Variants in EPAS1 observed in about 807,000 individuals in gnomAD.
EPAS1 encodes endothelial PAS domain protein 1.
A neutral mutation model predicts 87.9 loss-of-function variants in EPAS1; 23 were observed. That is an observed-to-expected ratio of 0.26 (90% CI 0.19 to 0.37). EPAS1 has a LOEUF of 0.37. Ranked by LOEUF, EPAS1 falls within the 10% of genes least tolerant of loss-of-function variation. The pLI is 1.00. For synonymous variants in EPAS1, 508 were observed against 444.3 expected (o/e 1.14, Z -1.80); for missense variants, 1,138 against 1,120.7 (o/e 1.02, Z -0.22).
chr2:46,356,129 T>TGGGGGGGGGGGGGG, intron 2 of EPAS1, 22 bp from the exon 3 acceptor site: 1 of 1,242,734 alleles, frequency 8.0e-7, no homozygotes, highest in Non-Finnish European at 1.1e-6. Flanking sequence ...ATGCAAGCTG[T>TGGGGGGGGGGGGGG]CCCACCCCCC....
chr2:46,336,423 G>T (rs1204535230), intron 1 of EPAS1, among the ~76,000 whole-genome samples: 5 of 152,122 alleles, frequency 3.3e-5, no homozygotes. Context: ...TGTTGCTAAG[G>T]GGCCAGGGAC....
rs1488864872 is a variant in EPAS1 at position 46,347,302 on chromosome 2, G to C, written c.217+239G>C. The C allele has an allele frequency of 1.0e-5, 6 of 579,554 alleles. No individual in the cohort carries two copies. The Admixed American group carries it at 1.2e-4, about 11-fold the overall frequency. 35.9% of individuals were successfully genotyped at this position (579,554 alleles called of 1,614,324 possible). Reference sequence around the variant, plus strand: ...AGGGACAGGACCAGGGAAGAACATGGGCACCCAGAGGCTGTGGAGAACACG... The same window carrying C: ...AGGGACAGGACCAGGGAAGAACATGCGCACCCAGAGGCTGTGGAGAACACG... On this transcript the variant is annotated intron_variant, in intron 2 of 15. Coordinates refer to ENST00000263734, the MANE Select transcript of EPAS1 (RefSeq NM_001430.5). This position sits in a 1 kb window ranked among gnomAD's most constrained non-coding sequence, Gnocchi z 4.2.
intron 4 of EPAS1, among the ~76,000 whole-genome samples, chr2:46,357,513 C>T (rs558162738): frequency 6.6e-6 from 1 of 152,340 alleles, no homozygotes; most frequent in Non-Finnish European, 1.5e-5. Context: ...AAAGTGGAAG[C>T]TGCCAGGCCT....
chr2:46,351,981 C>T (rs1165030525), intron 2 of EPAS1, among the ~76,000 whole-genome samples: 6 of 152,128 alleles, frequency 3.9e-5, no homozygotes, highest in Non-Finnish European at 7.3e-5. Context: ...AACCTCAGCC[C>T]GCGCATATCC....
chr2:46,371,700 C>G lies in EPAS1; in HGVS notation c.886+1767C>G, dbSNP rs1328910795. On this transcript the variant is annotated intron_variant, in intron 7 of 15. Transcript: ENST00000263734. The surrounding 1 kb of genome is among the most constrained non-coding windows in gnomAD (Gnocchi z 4.3). ...TTTCAAAGGCAGGTGACAGAATCAT[C>G]CAGGCACTGGGACTTAGCGGCCCAG... Among the ~76,000 whole-genome samples, 2 of 152,212 alleles carry G rather than the reference C, an allele frequency of 1.3e-5. No homozygotes were observed. Among genetic ancestry groups the G allele is most frequent in the Non-Finnish European group, 2.9e-5 (2 of 68,038 alleles).
At chr2:46,370,779 T>C (rs944628966) in intron 7 of EPAS1, among the ~76,000 whole-genome samples, 3 of 152,234 alleles carry the variant, frequency 2.0e-5, no homozygotes, top group Admixed American at 6.5e-5. Flanking sequence ...TCCTTGGCCA[T>C]GTTCCCAATT....
At chr2:46,328,442 G>A (rs1328222488) in intron 1 of EPAS1, among the ~76,000 whole-genome samples, 1 of 152,196 alleles carries the variant, frequency 6.6e-6, no homozygotes, top group Non-Finnish European at 1.5e-5. Flanking sequence ...GACAGATGAA[G>A]TGCAAGCTTG....
chr2:46,322,250 TG>T (rs1683469706), intron 1 of EPAS1, among the ~76,000 whole-genome samples: 1 of 152,044 alleles, frequency 6.6e-6, no homozygotes, highest in African/African-American at 2.4e-5. Flanking sequence ...TAGGTTCTTA[TG>T]CTGGCAGCTC....
chr2:46,356,139 C>CT lies in EPAS1; in HGVS notation c.218-12_218-11insT, dbSNP rs61586942. On this transcript the variant is annotated splice_polypyrimidine_tract_variant and intron_variant, in intron 2 of 15. Coordinates refer to ENST00000263734, the MANE Select transcript of EPAS1 (RefSeq NM_001430.5). ...CATTCATGCAAGCTGTCCCACCCCC[C>CT]CCCCTTTCCAGTTTGCTCTGAAAAC... 1.7e-5 allele frequency: 23 copies of CT among 1,354,438 alleles called. No individual in the cohort carries two copies. In the African/African-American group the frequency reaches 2.7e-4, roughly 16 times the overall value. 83.9% of individuals were successfully genotyped at this position (1,354,438 alleles called of 1,614,324 possible). A position where few individuals can be genotyped will look rare whatever the true frequency, so the allele number is the denominator to read the frequency against.
chr2:46,342,896 T>G (rs1325438371), intron 1 of EPAS1, among the ~76,000 whole-genome samples: 1 of 152,214 alleles, frequency 6.6e-6, no homozygotes, highest in Non-Finnish European at 1.5e-5. Context: ...CTTAAGTGGT[T>G]GTTAACTTTA....
chr2:46,350,142 G>T (rs1684119439), intron 2 of EPAS1, among the ~76,000 whole-genome samples: 1 of 152,178 alleles, frequency 6.6e-6, no homozygotes, highest in Admixed American at 6.5e-5. Context: ...CTGGAGAAAT[G>T]ATGTAAAAGA....
In EPAS1 at chr2:46,346,988, A is replaced by T; in HGVS notation, c.142A>T (p.Ser48Cys). 6.2e-7 allele frequency: 1 copy of T among 1,614,144 alleles called. No homozygotes were observed. Among genetic ancestry groups the T allele is most frequent in the Non-Finnish European group, 8.5e-7 (1 of 1,180,010 alleles). Residue 48 changes from serine to cysteine, a missense_variant, in exon 2 of 16, where the codon AGC (serine) becomes TGC (cysteine). Transcript: ENST00000263734. The surrounding 1 kb of genome is among the most constrained non-coding windows in gnomAD (Gnocchi z 4.0). The part of the protein sequence containing the change: ...AHELPLPHSV[S>C]SHLDKASIMR... ...TGAGCTGCCTCTGCCCCACAGTGTG[A>T]GCTCCCATCTGGACAAGGCCTCCAT...
chr2:46,366,613 TTCTC>T (rs902224822), intron 6 of EPAS1, among the ~76,000 whole-genome samples: 1 of 152,236 alleles, frequency 6.6e-6, no homozygotes. Context: ...CCTTGTACAT[TTCTC>T]TCTTCTCTTA....
In EPAS1 at chr2:46,297,798, C is replaced by G. The variant is rs967487058; in HGVS notation, c.-114C>G. 1.0e-4 allele frequency: 148 copies of G among 1,454,638 alleles called. No homozygotes were observed. In the African/African-American group the frequency reaches 1.9e-3, roughly 18 times the overall value. 90.1% of individuals were successfully genotyped at this position (1,454,638 alleles called of 1,614,324 possible). ...CGGGGCGCTCGGGACCTGCGCGCACCTCGGACCTTCACCACCCGCCCGGGC... is the reference window on the plus strand; with the variant it reads ...CGGGGCGCTCGGGACCTGCGCGCACGTCGGACCTTCACCACCCGCCCGGGC... On this transcript the variant is annotated 5_prime_UTR_variant, in exon 1 of 16. Transcript: ENST00000263734.
chr2:46,368,466 T>A (rs559246017), intron 6 of EPAS1, among the ~76,000 whole-genome samples: 1 of 152,138 alleles, frequency 6.6e-6, no homozygotes, highest in Non-Finnish European at 1.5e-5. Flanking sequence ...ACTTGGAAGT[T>A]ACGCAGCATT....
intron 1 of EPAS1, among the ~76,000 whole-genome samples, chr2:46,299,002 C>T (rs1310145778): frequency 6.6e-6 from 1 of 152,250 alleles, no homozygotes; most frequent in African/African-American, 2.4e-5. Flanking sequence ...TGGAATCCAA[C>T]GCGCGGCCGG....
intron 1 of EPAS1, among the ~76,000 whole-genome samples, chr2:46,333,676 T>C (rs529705400): frequency 2.0e-5 from 3 of 152,100 alleles, no homozygotes; most frequent in Non-Finnish European, 2.9e-5. Flanking sequence ...TGGAAAGGGC[T>C]GGGAGACCTC....
At position 46,370,880 on chromosome 2, in the gene EPAS1, C is replaced by T. The variant is rs186913175; in HGVS notation, c.886+947C>T. On this transcript the variant is annotated intron_variant, in intron 7 of 15. Coordinates refer to ENST00000263734, the MANE Select transcript of EPAS1 (RefSeq NM_001430.5). ...AGGGCTCTGGGCCTATAACCCTGTA[C>T]TTGGCCCACTGGGGGTGATATAAAT... is the stretch of plus-strand genomic sequence containing the variant. Among the ~76,000 whole-genome samples the T allele has an allele frequency of 4.3e-4, 65 of 152,252 alleles. No homozygotes were observed. The South Asian group carries it at 0.012, about 29-fold the overall frequency.
At chr2:46,298,757 G>A (rs1441931105) in intron 1 of EPAS1, among the ~76,000 whole-genome samples, 6 of 152,118 alleles carry the variant, frequency 3.9e-5, no homozygotes, top group Admixed American at 3.9e-4. Context: ...ATTTCTTGCT[G>A]CCCTCTCGCC....
Sources: allele counts gnomAD v4.1 joint callset (sites outside exome capture counted in the v4.1 genomes callset), GRCh38; gene constraint gnomAD v4.1.1; non-coding constraint Gnocchi (gnomAD v3.1); transcripts MANE v1.5; gene names NCBI Gene and HGNC (gene_info 2026-07-23, HGNC 2026-07-21).